LIM2: variants seen among roughly 807,000 people sequenced by gnomAD.
LIM2 encodes lens fiber membrane intrinsic protein.
In LIM2, 14 loss-of-function variants were observed where a neutral mutation model predicts 19.0. The ratio of observed to expected loss-of-function variants is 0.74; its 90% CI spans 0.49 to 1.15. LIM2 has a LOEUF of 1.15. LIM2 is among the 50% of genes most tolerant of loss of function. The pLI is 0.00. For missense variants in LIM2, 230 were observed against 243.5 expected, an observed-to-expected ratio of 0.94 and a Z score of 0.37; for synonymous variants, 78 against 89.6, an observed-to-expected ratio of 0.87 and a Z score of 0.73.
rs1418651511 is a variant in LIM2, at chr19:51,383,629, G to A, written c.176-1062C>T. Among the ~76,000 whole-genome samples, 6 of 152,128 alleles carry A rather than the reference G, an allele frequency of 3.9e-5. No individual in the cohort carries two copies. In the East Asian group the frequency reaches 9.6e-4, roughly 24 times the overall value. On this transcript the variant is annotated intron_variant, in intron 2 of 4. Transcript: ENST00000596399. ...ATAATCTCTTCATCCTTTAGCAACGGCTAACTATATGCCAGGCTCGCTACC... is the reference window on the plus strand; with the variant it reads ...ATAATCTCTTCATCCTTTAGCAACGACTAACTATATGCCAGGCTCGCTACC...
chr19:51,381,498 C>T (rs1986891663), intron 3 of LIM2, among the ~76,000 whole-genome samples: 1 of 152,174 alleles, frequency 6.6e-6, no homozygotes, highest in Admixed American at 6.5e-5. Context: ...CACTGAAGCT[C>T]AGTGGCGCTC....
rs1012119256 is a variant in LIM2, at chr19:51,380,067, C to G, written c.*134G>C. 6.1e-6 allele frequency: 5 copies of G among 826,020 alleles called. No individual in the cohort carries two copies. Among genetic ancestry groups the G allele is most frequent in the Non-Finnish European group, 1.0e-5 (5 of 492,466 alleles). 51.2% of individuals were successfully genotyped at this position (826,020 alleles called of 1,614,324 possible). ...AGCCTAGGACCAGGAGTCAGCCTCC[C>G]CCCACAAACCCACAGTCCAGAACTG... is the stretch of plus-strand genomic sequence containing the variant. On this transcript the variant is annotated 3_prime_UTR_variant, in exon 5 of 5. Coordinates refer to ENST00000596399, the MANE Select transcript of LIM2 (RefSeq NM_001161748.2).
chr19:51,381,559 GGAA>G (rs1475385330), intron 3 of LIM2, among the ~76,000 whole-genome samples: 1 of 152,088 alleles, frequency 6.6e-6, no homozygotes, highest in African/African-American at 2.4e-5. Flanking sequence ...TGGCTCCACA[GGAA>G]GAAGGCTTGG....
At chr19:51,387,514 G>A (rs369039221) in intron 1 of LIM2, 65 bp from the exon 2 acceptor site, 4 of 1,604,664 alleles carry the variant, frequency 2.5e-6, no homozygotes, top group East Asian at 2.2e-5. Context: ...AGGAACTGGG[G>A]GGAGAGAGGG....
At chr19:51,385,806 C>CATCG (rs776093142) in intron 2 of LIM2, among the ~76,000 whole-genome samples, 2 of 152,226 alleles carry the variant, frequency 1.3e-5, no homozygotes. Flanking sequence ...AGCAAACAGG[C>CATCG]ATCGTCCTGC....
intron 2 of LIM2, among the ~76,000 whole-genome samples, chr19:51,385,626 C>T (rs1324887228): frequency 1.3e-5 from 2 of 152,208 alleles, no homozygotes; most frequent in Admixed American, 6.5e-5. Flanking sequence ...AGAGAGGTGG[C>T]TCAGGGCTGT....
chr19:51,381,653 G>T (rs980540433), intron 3 of LIM2, among the ~76,000 whole-genome samples: 5 of 152,130 alleles, frequency 3.3e-5, no homozygotes, highest in African/African-American at 9.7e-5. Flanking sequence ...TCCTCTATAA[G>T]GAAACTATAA....
rs886054600 is a variant in LIM2, at chr19:51,379,983, G to C, written c.*218C>G. 1.7e-6 allele frequency: 1 copy of C among 602,840 alleles called. No homozygotes were observed. The highest frequency in any genetic ancestry group is 2.9e-5 in the Admixed American group (1 of 33,958). 37.3% of individuals were successfully genotyped at this position (602,840 alleles called of 1,614,324 possible). Reference sequence around the variant, plus strand: ...GTCCATTTTTCTAACAACCTGCCAGGCAGACGGGGACTTGAGTCTTCTCAG... The same window carrying C: ...GTCCATTTTTCTAACAACCTGCCAGCCAGACGGGGACTTGAGTCTTCTCAG... On this transcript the variant is annotated 3_prime_UTR_variant, in exon 5 of 5. Coordinates refer to ENST00000596399, the MANE Select transcript of LIM2 (RefSeq NM_001161748.2).
Position 51,382,510 on chromosome 19 carries a change from C to T in LIM2, c.233G>A (p.Gly78Asp), listed in dbSNP as rs1986921393. 2.5e-6 allele frequency: 4 copies of T among 1,613,724 alleles called. No individual in the cohort carries two copies. In the South Asian group the frequency reaches 4.4e-5, roughly 18 times the overall value. ...GAAGGCCATGATGCCCATGATGATG[C>T]CGGAGATGGCGCATAGGGCAGACAG... ...MILSALCAIS[G>D]IIMGIMAFAH... Residue 78 changes from glycine to aspartate, a missense_variant, in exon 3 of 5, where the codon GGC (glycine) becomes GAC (aspartate). Gly to Asp is a moderately conservative substitution (Grantham distance 94, BLOSUM62 -1). Transcript: ENST00000596399.
In LIM2 at chr19:51,382,549, CG is replaced by C; in HGVS notation, c.193del (p.Arg65GlyfsTer4). The stretch of plus-strand genomic sequence containing the variant: ...TAGGGCAGACAGGATCATGAAGGCC[CG>C]GGTGGCATTCCAGTATGCTGTGGGA... ...TDSIAYWNAT[R>X]AFMILSALCA... On this transcript the variant is annotated frameshift_variant, in exon 3 of 5. Transcript: ENST00000596399. LOFTEE classifies it high-confidence loss of function. 1 of 1,613,650 alleles carries C rather than the reference CG, an allele frequency of 6.2e-7. No individual in the cohort carries two copies. The highest frequency in any genetic ancestry group is 1.1e-5 in the South Asian group (1 of 91,060).
chr19:51,382,420 G>A lies in LIM2; in HGVS notation c.323C>T (p.Ser108Leu). The A allele has an allele frequency of 1.2e-6, 2 of 1,613,848 alleles. No homozygotes were observed. Among genetic ancestry groups the A allele is most frequent in the African/African-American group, 2.7e-5 (2 of 74,940 alleles). ...PFSAGIMFFS[S>L]TLFVVLALAI... ...AGGGAGAGGGTGGGCTTACTCACTT[G>A]AGGAAAAAAACATGATGCCAGCAGA... Residue 108 changes from serine to leucine, a missense_variant and splice_region_variant, in exon 3 of 5, where the codon TCA (serine) becomes TTA (leucine). Physicochemically the swap from Ser to Leu is moderately radical, Grantham distance 145. Transcript: ENST00000596399.
intron 2 of LIM2, 112 bp downstream of exon 2, chr19:51,387,157 T>C (rs1336979941): frequency 1.9e-6 from 3 of 1,607,888 alleles, no homozygotes; most frequent in Non-Finnish European, 2.6e-6. Context: ...GGTTGCTCCC[T>C]TTCCCTCTTT....
In LIM2 at chr19:51,383,027, C is replaced by CTTT. The variant is rs1163859181; in HGVS notation, c.176-463_176-461dup. Among the ~76,000 whole-genome samples, 131 of 88,290 alleles carry CTTT rather than the reference C, an allele frequency of 1.5e-3. 1 individual carries two copies. The highest frequency in any genetic ancestry group is 2.1e-3 in the East Asian group (6 of 2,794). 57.9% of individuals were successfully genotyped at this position (88,290 alleles called of 152,430 possible). A position where few individuals can be genotyped will look rare whatever the true frequency, so the allele number is the denominator to read the frequency against. On this transcript the variant is annotated intron_variant, in intron 2 of 4. Transcript: ENST00000596399. ...TCTCACATTTCTTTTTTTTTCTTTT[C>CTTT]TTTTTTTTTTTTTTTTTTTTTTTTT...
At chr19:51,382,718 A>G in intron 2 of LIM2, 151 bp from the exon 3 acceptor site, 1 of 1,043,754 alleles carries the variant, frequency 9.6e-7, no homozygotes, top group East Asian at 2.6e-5. Flanking sequence ...TTCACCTGGC[A>G]AACTCCTACT....
At chr19:51,382,689 C>T in intron 2 of LIM2, 122 bp from the exon 3 acceptor site, 1 of 1,323,528 alleles carries the variant, frequency 7.6e-7, no homozygotes, top group African/African-American at 1.4e-5. Flanking sequence ...TCCTTCCCTT[C>T]TTTGCAAATG....
intron 2 of LIM2, among the ~76,000 whole-genome samples, chr19:51,384,678 C>T (rs1162392818): frequency 2.6e-5 from 4 of 152,140 alleles, no homozygotes; most frequent in Admixed American, 2.6e-4. Flanking sequence ...TCTCGGCCTC[C>T]AGAACTGTGA....
At chr19:51,386,481 T>TA (rs1427124172) in intron 2 of LIM2, among the ~76,000 whole-genome samples, 1 of 148,406 alleles carries the variant, frequency 6.7e-6, no homozygotes, top group East Asian at 1.9e-4. Flanking sequence ...ACATTATTAA[T>TA]TTATTATATA....
At position 51,387,264 on chromosome 19, in the gene LIM2, C is replaced by G. The variant is rs760282462; in HGVS notation, c.175+5G>C. The G allele has an allele frequency of 3.7e-6, 6 of 1,614,186 alleles. No homozygotes were observed. In the South Asian group the frequency reaches 5.5e-5, roughly 15 times the overall value. ...CGCGGCCTGGACCCTGGCCGGGGGGCTCACCGATGCTGTCTGTCTGCAGGT... is the reference window on the plus strand; with the variant it reads ...CGCGGCCTGGACCCTGGCCGGGGGGGTCACCGATGCTGTCTGTCTGCAGGT... On this transcript the variant is annotated splice_donor_5th_base_variant and intron_variant, in intron 2 of 4. Transcript: ENST00000596399.
At chr19:51,380,898 A>G (rs1986878721) in intron 3 of LIM2, among the ~76,000 whole-genome samples, 1 of 151,924 alleles carries the variant, frequency 6.6e-6, no homozygotes, top group Non-Finnish European at 1.5e-5. Context: ...TGGGAGGGAG[A>G]AACAATATTT....
Sources: gnomAD v4.1 joint callset for allele counts (sites outside exome capture counted in the v4.1 genomes callset) on GRCh38, gnomAD v4.1.1 for gene constraint, MANE v1.5 for transcripts, NCBI Gene and HGNC (gene_info 2026-07-23, HGNC 2026-07-21) for gene names.